Variants in NRXN1 observed in about 807,000 individuals in gnomAD.
NRXN1 encodes neurexin-1.
NRXN1 carries 39 observed loss-of-function variants against 150.9 expected under a neutral mutation model. The observed-to-expected ratio is 0.26, with a 90% CI of 0.20 to 0.34. The LOEUF (loss-of-function observed/expected upper bound fraction) is 0.34. Ranked by LOEUF, NRXN1 falls within the 10% of genes least tolerant of loss-of-function variation. The pLI is 1.00. For synonymous variants in NRXN1, 924 were observed against 757.0 expected (o/e 1.22, Z -3.62); for missense variants, 1,815 against 1,949.9 (o/e 0.93, Z 1.30).
In NRXN1 at chr2:50,053,234, T is replaced by C. The variant is rs759717709; in HGVS notation, c.4128+37A>G. 4.4e-6 allele frequency: 7 copies of C among 1,601,688 alleles called. No homozygotes were observed. In the East Asian group the frequency reaches 8.9e-5, roughly 20 times the overall value. On this transcript the variant is annotated intron_variant, in intron 21 of 22. Coordinates refer to ENST00000401669, the MANE Select transcript of NRXN1 (RefSeq NM_001330078.2). ...GAAAAGCCCACTATCATAAATAATA[T>C]AGGATGAAAATGAAGGAATAAAATC...
chr2:50,731,515 T>C lies in NRXN1; in HGVS notation c.833-107900A>G, dbSNP rs377621629. The stretch of plus-strand genomic sequence containing the variant: ...AAAGTGAGGGATGGAGAGGTTGAGT[T>C]ACCTTATTGAGACCTTGGCAAGACC... On this transcript the variant is annotated intron_variant, in intron 5 of 22. Coordinates refer to ENST00000401669, the MANE Select transcript of NRXN1 (RefSeq NM_001330078.2). Among the ~76,000 whole-genome samples, 10 of 152,278 alleles carry C rather than the reference T, an allele frequency of 6.6e-5. No homozygotes were observed. The East Asian group carries it at 7.7e-4, about 12-fold the overall frequency.
At chr2:50,882,012 C>A (rs1249825457) in intron 5 of NRXN1, among the ~76,000 whole-genome samples, 2 of 151,714 alleles carry the variant, frequency 1.3e-5, no homozygotes, top group Admixed American at 6.6e-5. Flanking sequence ...AAAACATATG[C>A]TCAAATTTTT....
At chr2:50,030,409 T>A (rs145206617) in intron 21 of NRXN1, among the ~76,000 whole-genome samples, 1 of 152,284 alleles carries the variant, frequency 6.6e-6, no homozygotes, top group East Asian at 1.9e-4. Flanking sequence ...TGTGGACACA[T>A]AGGAGTCTAT....
At chr2:50,605,367 A>C (rs576472723) in intron 8 of NRXN1, among the ~76,000 whole-genome samples, 2 of 151,990 alleles carry the variant, frequency 1.3e-5, no homozygotes, top group African/African-American at 4.8e-5. Context: ...GTTGGCACTC[A>C]GTGAGGGCTT....
intron 5 of NRXN1, chr2:50,917,906 T>C (rs1029193099): frequency 1.3e-5 from 2 of 151,726 alleles, no homozygotes; most frequent in Non-Finnish European, 3.0e-5. Flanking sequence ...TAAGTATTAA[T>C]AATATCAAAT....
chr2:50,105,079 A>G (rs1234470117), intron 18 of NRXN1, among the ~76,000 whole-genome samples: 2 of 151,992 alleles, frequency 1.3e-5, no homozygotes, highest in East Asian at 1.9e-4. Context: ...CCAAACTAAG[A>G]GCTTTCAACC....
At position 50,650,709 on chromosome 2, in the gene NRXN1, A is replaced by G. The variant is rs577359689; in HGVS notation, c.833-27094T>C. Among the ~76,000 whole-genome samples the G allele has an allele frequency of 5.3e-5, 8 of 152,188 alleles. No homozygotes were observed. In the East Asian group the frequency reaches 1.4e-3, roughly 26 times the overall value. On this transcript the variant is annotated intron_variant, in intron 5 of 22. Transcript: ENST00000401669. ...TAATTCGGGTGATAGAATACTTGCT[A>G]ATACAAGCTATTAAAACAAACCAAC...
intron 22 of NRXN1, among the ~76,000 whole-genome samples, chr2:49,941,685 C>T (rs927566091): frequency 6.6e-6 from 1 of 152,094 alleles, no homozygotes; most frequent in Admixed American, 6.5e-5. Flanking sequence ...CAGTTTTCAT[C>T]GCTGTATTAA....
intron 5 of NRXN1, among the ~76,000 whole-genome samples, chr2:50,849,785 T>C (rs1674236563): frequency 6.6e-6 from 1 of 152,182 alleles, no homozygotes; most frequent in Non-Finnish European, 1.5e-5. Flanking sequence ...TTTAATTGAA[T>C]AATGTGGTCT....
At chr2:50,200,216 T>C (rs1023003266) in intron 18 of NRXN1, among the ~76,000 whole-genome samples, 6 of 152,200 alleles carry the variant, frequency 3.9e-5, no homozygotes, top group African/African-American at 1.4e-4. Flanking sequence ...ATGTATATCA[T>C]AGCATTTGCT....
chr2:50,808,267 A>G (rs549000231), intron 5 of NRXN1, among the ~76,000 whole-genome samples: 183 of 152,264 alleles, frequency 1.2e-3, no homozygotes, highest in Non-Finnish European at 2.3e-3. Flanking sequence ...AGAAGCAATG[A>G]AAAATAAACC....
rs1370613599 is a variant in NRXN1, at chr2:50,083,804, T to C, written c.3718+7519A>G. On this transcript the variant is annotated intron_variant, in intron 19 of 22. Transcript: ENST00000401669. The stretch of plus-strand genomic sequence containing the variant: ...TTCTCCACCTCCCCACTAGATAAGC[T>C]AGATACAGAGTGCTGATTGGTGTAT... Among the ~76,000 whole-genome samples the C allele has an allele frequency of 2.6e-5, 4 of 152,020 alleles. No individual in the cohort carries two copies. The East Asian group carries it at 5.8e-4, about 22-fold the overall frequency.
chr2:50,071,193 C>T (rs1228891434), intron 19 of NRXN1, among the ~76,000 whole-genome samples: 4 of 152,204 alleles, frequency 2.6e-5, no homozygotes, highest in African/African-American at 9.6e-5. Flanking sequence ...CTGATTAACA[C>T]TTTATCTAAT....
intron 17 of NRXN1, among the ~76,000 whole-genome samples, chr2:50,266,777 A>G (rs1465210775): frequency 6.6e-6 from 1 of 152,096 alleles, no homozygotes; most frequent in East Asian, 1.9e-4. Flanking sequence ...CTCCGCTGTG[A>G]AGAAGGATGG....
intron 5 of NRXN1, among the ~76,000 whole-genome samples, chr2:50,640,333 T>C (rs1349321541): frequency 6.6e-6 from 1 of 152,186 alleles, no homozygotes; most frequent in Non-Finnish European, 1.5e-5. Context: ...AAACTTTGTG[T>C]AATAATATCA....
intron 18 of NRXN1, among the ~76,000 whole-genome samples, chr2:50,111,302 T>C (rs191487548): frequency 1.3e-5 from 2 of 152,266 alleles, no homozygotes; most frequent in East Asian, 3.9e-4. Context: ...CCAGTGATGT[T>C]ATTAGTTCTC....
At chr2:50,968,373 C>A (rs1263350155) in intron 2 of NRXN1, among the ~76,000 whole-genome samples, 1 of 152,072 alleles carries the variant, frequency 6.6e-6, no homozygotes, top group East Asian at 1.9e-4. Flanking sequence ...AACTTAATAT[C>A]AGCCATTAAT....
At chr2:50,951,896 T>C (rs1441086992) in intron 2 of NRXN1, among the ~76,000 whole-genome samples, 1 of 148,642 alleles carries the variant, frequency 6.7e-6, no homozygotes, top group Non-Finnish European at 1.5e-5. Context: ...TATAACTGGA[T>C]TATCTATGAA....
At chr2:50,951,206 T>TGAGATGAGAG (rs1291606231) in intron 2 of NRXN1, among the ~76,000 whole-genome samples, 1 of 151,966 alleles carries the variant, frequency 6.6e-6, no homozygotes, top group African/African-American at 2.4e-5. Flanking sequence ...CAAAAGGGGA[T>TGAGATGAGAG]GAGATGAGAG....
Sources: allele counts gnomAD v4.1 joint callset (sites outside exome capture counted in the v4.1 genomes callset), GRCh38; gene constraint gnomAD v4.1.1; transcripts MANE v1.5; gene names NCBI Gene and HGNC (gene_info 2026-07-23, HGNC 2026-07-21).